Variants in GUCY2F observed in about 807,000 individuals in gnomAD.
GUCY2F encodes the protein retinal guanylyl cyclase 2.
In GUCY2F, 61 loss-of-function variants were observed where a neutral mutation model predicts 73.1. The observed-to-expected ratio is 0.83, with a 90% CI of 0.68 to 1.03. The LOEUF (loss-of-function observed/expected upper bound fraction) is 1.03. Among genes scored for constraint, GUCY2F ranks in the 50% least tolerant of loss-of-function variants. GUCY2F has a pLI of 0.00. For missense variants in GUCY2F, 912 were observed against 854.3 expected, an observed-to-expected ratio of 1.07 and a Z score of -0.84; for synonymous variants, 331 against 307.8, an observed-to-expected ratio of 1.08 and a Z score of -0.79.
intron 9 of GUCY2F, among the ~76,000 whole-genome samples, chrX:109,405,979 T>C (rs185242287): frequency 2.8e-4 from 31 of 111,608 alleles, no homozygotes; most frequent in African/African-American, 1.0e-3. Flanking sequence ...TTAAAGGGAA[T>C]TGGCATGAGA....
chrX:109,448,665 G>A (rs1231895280), intron 5 of GUCY2F, among the ~76,000 whole-genome samples: 1 of 112,274 alleles, frequency 8.9e-6, no homozygotes, highest in Non-Finnish European at 1.9e-5. Context: ...GGCAGAGCTG[G>A]AACTTGAATC....
At chrX:109,406,222 C>T (rs978524071) in intron 9 of GUCY2F, among the ~76,000 whole-genome samples, 5 of 111,806 alleles carry the variant, frequency 4.5e-5, no homozygotes, top group Non-Finnish European at 7.5e-5. Flanking sequence ...ATCTTTGGCT[C>T]AGAGAATAAA....
At chrX:109,464,143 C>A (rs751116192) in intron 3 of GUCY2F, among the ~76,000 whole-genome samples, 11 of 111,902 alleles carry the variant, frequency 9.8e-5, no homozygotes, top group Non-Finnish European at 1.5e-4. Context: ...CTCCAGTGTA[C>A]AGAAACGTCC....
chrX:109,431,531 T>G lies in GUCY2F; in HGVS notation c.1702-1135A>C, dbSNP rs778285537. 4.2e-3 allele frequency among the ~76,000 whole-genome samples: 443 copies of G among 105,944 alleles called. 3 individuals carry two copies. Among genetic ancestry groups the G allele is most frequent in the African/African-American group, 0.016 (420 of 26,571 alleles). The allele number at this position is 105,944 out of a possible 115,157, so 92.0% of individuals were successfully genotyped here. On this transcript the variant is annotated intron_variant, in intron 7 of 19. Transcript: ENST00000218006. ...GGCTAACATGGTGAAACCTCGTCTCTACTAAAAATACAAAAAAATCAGCCG... is the reference window on the plus strand; with the variant it reads ...GGCTAACATGGTGAAACCTCGTCTCGACTAAAAATACAAAAAAATCAGCCG...
rs767191121 is a variant in GUCY2F, at chrX:109,465,291, A to AG, written c.882dup (p.Tyr295LeufsTer15). 8.3e-6 allele frequency: 10 copies of AG among 1,209,873 alleles called. No homozygotes were observed. The highest frequency in any genetic ancestry group is 1.1e-5 in the Non-Finnish European group (10 of 893,852). On this transcript the variant is annotated frameshift_variant, in exon 3 of 20. Transcript: ENST00000218006. LOFTEE classifies it high-confidence loss of function. Reference sequence around the variant, plus strand: ...TTTGGGTTGTTCCTTAGGACCCGGTAGGGGGTGTGCTTATAAGGTAAACTG... The same window carrying AG: ...TTTGGGTTGTTCCTTAGGACCCGGTAGGGGGGTGTGCTTATAAGGTAAACTG...
At chrX:109,431,914 A>G (rs1162480295) in intron 7 of GUCY2F, among the ~76,000 whole-genome samples, 1 of 108,043 alleles carries the variant, frequency 9.3e-6, no homozygotes, top group Non-Finnish European at 1.9e-5. Flanking sequence ...TGGAAAAAAA[A>G]AAAAAAAAGA....
chrX:109,378,698 A>G (rs931569587), intron 17 of GUCY2F, among the ~76,000 whole-genome samples: 6 of 111,607 alleles, frequency 5.4e-5, no homozygotes, highest in Admixed American at 2.9e-4. Flanking sequence ...GGAAAATAAA[A>G]CAAATACTAA....
At chrX:109,445,308 A>T (rs1474462136) in intron 6 of GUCY2F, among the ~76,000 whole-genome samples, 1 of 112,172 alleles carries the variant, frequency 8.9e-6, no homozygotes, top group African/African-American at 3.2e-5. Flanking sequence ...TATAAGCATT[A>T]TGTCAGGCTA....
chrX:109,399,213 A>T (rs1930781265), intron 10 of GUCY2F, among the ~76,000 whole-genome samples: 1 of 112,764 alleles, frequency 8.9e-6, no homozygotes, highest in Non-Finnish European at 1.9e-5. Context: ...CAATTCCTTC[A>T]ACTCAGTTCT....
At position 109,453,837 on chromosome X, in the gene GUCY2F, A is replaced by T; in HGVS notation, c.1055T>A (p.Ile352Asn). 1 of 1,177,133 alleles carries T rather than the reference A, an allele frequency of 8.5e-7. No individual in the cohort carries two copies. The highest frequency in any genetic ancestry group is 1.1e-6 in the Non-Finnish European group (1 of 869,817). ...TGCGATAAAGTAAATTGAATTGTAG[A>T]TGGTTCCAAACAACGGTGAAACCTA... ...FDQVSPLFGT[I>N]YNSIYFIAQA... The change falls in exon 4 of 20, where the codon ATC becomes AAC. Residue 352 changes from isoleucine (I) to asparagine (N), a missense_variant. Coordinates refer to ENST00000218006, the MANE Select transcript of GUCY2F (RefSeq NM_001522.3).
rs1930408750 is a variant in GUCY2F, at chrX:109,385,248, C to T, written c.2991G>A (p.Met997Ile). ...PVVAGVVGLT[M>I]PRYCLFGDTV... The stretch of plus-strand genomic sequence containing the variant: ...TGTCTCCAAACAAGCAGTATCTGGG[C>T]ATGGTGAGGCCCACCACTCCAGCAA... Residue 997 changes from methionine to isoleucine, a missense_variant, in exon 16 of 20, where the codon ATG becomes ATA. Coordinates refer to ENST00000218006, the MANE Select transcript of GUCY2F (RefSeq NM_001522.3). The T allele has an allele frequency of 8.4e-7, 1 of 1,189,408 alleles. No individual in the cohort carries two copies. The highest frequency in any genetic ancestry group is 2.2e-5 in the Admixed American group (1 of 45,562).
chrX:109,395,448 G>A lies in GUCY2F; in HGVS notation c.2317C>T (p.Pro773Ser). The change falls in exon 12 of 20, where the codon CCA (proline) becomes TCA (serine). Residue 773 changes from proline (P) to serine (S), a missense_variant. By Grantham distance (74) the Pro-to-Ser change is moderately conservative. Coordinates refer to ENST00000218006, the MANE Select transcript of GUCY2F (RefSeq NM_001522.3). ...RLKKPPPVYR[P>S]VVPPEHAPPE... is the part of the protein sequence containing the mutation. ...GGGGCATGCTCAGGAGGAACTACTG[G>A]TCTGTACACAGGAGGAGGCTTCTTA... 1 of 1,197,546 alleles carries A rather than the reference G, an allele frequency of 8.4e-7. No individual in the cohort carries two copies. Among genetic ancestry groups the A allele is most frequent in the Non-Finnish European group, 1.1e-6 (1 of 882,361 alleles).
Position 109,382,137 on chromosome X carries a change from C to T in GUCY2F, c.3131G>A (p.Arg1044Gln). ...NLSEGYEVEL[R>Q]GRTELKGKGT... is the part of the protein sequence containing the mutation. ...TTATACCTTGAGCTCTGTTCTTCCT[C>T]GAAGCTCCACTTCATAGCCCTCACT... is the stretch of plus-strand genomic sequence containing the variant. The change falls in exon 17 of 20, where the codon CGA becomes CAA. Residue 1044 changes from arginine to glutamine, a missense_variant. By Grantham distance (43) the Arg-to-Gln change is conservative (BLOSUM62 1). Transcript: ENST00000218006. 2.6e-6 allele frequency: 3 copies of T among 1,174,031 alleles called. No individual in the cohort carries two copies. The highest frequency in any genetic ancestry group is 2.3e-6 in the Non-Finnish European group (2 of 861,482).
In GUCY2F at chrX:109,454,463, A is replaced by T. The variant is rs377700271; in HGVS notation, c.1033-604T>A. Among the ~76,000 whole-genome samples the T allele has an allele frequency of 1.4e-4, 16 of 111,784 alleles. No individual in the cohort carries two copies. In the South Asian group the frequency reaches 2.7e-3, roughly 19 times the overall value. On this transcript the variant is annotated intron_variant, in intron 3 of 19. Transcript: ENST00000218006. ...CACGCAGACATCCACCCTGACACAT[A>T]CGCACCCAGCTATCTAGAGCCAAAG...
rs761856933 is a variant in GUCY2F, at chrX:109,453,851, C to T, written c.1041G>A (p.Pro347=). ...PEKLEFDQVS[P]LFGTIYNSIY... is the part of the protein sequence containing the mutation. ...TTGAATTGTAGATGGTTCCAAACAA[C>T]GGTGAAACCTATTTTTAAAAATTAC... The change falls in exon 4 of 20, where the codon CCG becomes CCA. Residue 347 remains proline (P), a synonymous_variant. Transcript: ENST00000218006. 4.1e-5 allele frequency: 46 copies of T among 1,121,033 alleles called. 1 individual carries two copies. In the Admixed American group the frequency reaches 6.9e-4, roughly 17 times the overall value. The allele number at this position is 1,121,033 out of a possible 1,213,427, so 92.4% of individuals were successfully genotyped here.
At chrX:109,438,458 G>T (rs1343889456) in intron 7 of GUCY2F, among the ~76,000 whole-genome samples, 2 of 113,023 alleles carry the variant, frequency 1.8e-5, no homozygotes, top group Non-Finnish European at 3.7e-5. Context: ...GAAATACAAT[G>T]TTGGGATATG....
At chrX:109,463,130 T>G (rs989301606) in intron 3 of GUCY2F, among the ~76,000 whole-genome samples, 1 of 111,796 alleles carries the variant, frequency 8.9e-6, no homozygotes, top group African/African-American at 3.3e-5. Context: ...AACCTAAATT[T>G]CATTTGAATC....
rs1347662537 is a variant in GUCY2F, at chrX:109,465,297, T to C, written c.877A>G (p.Thr293Ala). Reference protein sequence around the residue: ...ALLYSLPYKHTPYRVLRNNPK... With the variant: ...ALLYSLPYKHAPYRVLRNNPK... Reference sequence around the variant, plus strand: ...TTGTTCCTTAGGACCCGGTAGGGGGTGTGCTTATAAGGTAAACTGTAGAGC... The same window carrying C: ...TTGTTCCTTAGGACCCGGTAGGGGGCGTGCTTATAAGGTAAACTGTAGAGC... The change falls in exon 3 of 20, where the codon ACC becomes GCC. Residue 293 changes from threonine to alanine, a missense_variant. By Grantham distance (58) the Thr-to-Ala change is moderately conservative. Transcript: ENST00000218006. 8.3e-7 allele frequency: 1 copy of C among 1,209,369 alleles called. No homozygotes were observed. Among genetic ancestry groups the C allele is most frequent in the Non-Finnish European group, 1.1e-6 (1 of 893,749 alleles).
intron 10 of GUCY2F, among the ~76,000 whole-genome samples, chrX:109,403,496 TATA>T (rs1930896911): frequency 8.9e-6 from 1 of 111,914 alleles, no homozygotes; most frequent in African/African-American, 3.2e-5. Flanking sequence ...AATGACCTTC[TATA>T]ATCTTAATAT....
Sources: gnomAD v4.1 joint callset for allele counts (sites outside exome capture counted in the v4.1 genomes callset) on GRCh38, gnomAD v4.1.1 for gene constraint, MANE v1.5 for transcripts, NCBI Gene and HGNC (gene_info 2026-07-23, HGNC 2026-07-21) for gene names.